Variants in LEMD3 observed in about 807,000 individuals in gnomAD.
LEMD3 encodes the protein inner nuclear membrane protein Man1.
LEMD3 carries 33 observed loss-of-function variants against 95.2 expected under a neutral mutation model. The ratio of observed to expected loss-of-function variants is 0.35; its 90% confidence interval spans 0.26 to 0.46. LEMD3 has a LOEUF of 0.46. Among genes scored for constraint, LEMD3 ranks in the 20% least tolerant of loss-of-function variants. The probability of loss-of-function intolerance (pLI) is 1.00; values close to 1 mark genes in which losing one functional copy is unlikely to be tolerated. For synonymous variants in LEMD3, 525 were observed against 474.6 expected, an observed-to-expected ratio of 1.11 and a Z score of -1.38; for missense variants, 1,210 against 1,192.8, an observed-to-expected ratio of 1.01 and a Z score of -0.21.
intron 1 of LEMD3, among the ~76,000 whole-genome samples, chr12:65,184,855 A>T (rs12425024): frequency 0.49 from 74,965 of 151,942 alleles, 20,151 homozygotes; most frequent in Middle Eastern, 0.67. Context: ...TAAAAACCTT[A>T]GCAACATGAC....
At chr12:65,195,788 C>CA (rs1341343559) in intron 1 of LEMD3, among the ~76,000 whole-genome samples, 2 of 152,132 alleles carry the variant, frequency 1.3e-5, no homozygotes, top group Non-Finnish European at 2.9e-5. Context: ...CCTAGTGATT[C>CA]AGTCCTTCTC....
At chr12:65,183,932 A>G (rs951108054) in intron 1 of LEMD3, among the ~76,000 whole-genome samples, 2 of 152,148 alleles carry the variant, frequency 1.3e-5, no homozygotes, top group Admixed American at 1.3e-4. Flanking sequence ...TGTAGAATGG[A>G]GAGATGGCTC....
chr12:65,221,091 G>C (rs1449260932), intron 4 of LEMD3, among the ~76,000 whole-genome samples: 1 of 151,798 alleles, frequency 6.6e-6, no homozygotes, highest in Non-Finnish European at 1.5e-5. Flanking sequence ...ATTGCCTTCG[G>C]TGGTATAGTA....
At chr12:65,192,090 AG>A (rs1366900613) in intron 1 of LEMD3, among the ~76,000 whole-genome samples, 1 of 150,980 alleles carries the variant, frequency 6.6e-6, no homozygotes, top group Non-Finnish European at 1.5e-5. Flanking sequence ...AAATATAGAA[AG>A]TTACACAGTT....
At chr12:65,234,964 A>G (rs1007325624) in intron 4 of LEMD3, among the ~76,000 whole-genome samples, 16 of 152,182 alleles carry the variant, frequency 1.1e-4, no homozygotes, top group Non-Finnish European at 2.2e-4. Context: ...CAAAGACTAG[A>G]TTATACTTGT....
At chr12:65,171,572 A>G (rs1189561254) in intron 1 of LEMD3, 2 of 192,218 alleles carry the variant, frequency 1.0e-5, no homozygotes, top group African/African-American at 2.4e-5. Flanking sequence ...TATTAACTGT[A>G]TGCATAAATT....
At chr12:65,240,644 C>CATA (rs1441577426) in intron 8 of LEMD3, 1 of 478,326 alleles carries the variant, frequency 2.1e-6, no homozygotes, top group Non-Finnish European at 3.7e-6. Context: ...AAGATAATTC[C>CATA]ATATCCTGAA....
At chr12:65,188,031 C>T (rs1288329955) in intron 1 of LEMD3, among the ~76,000 whole-genome samples, 1 of 152,012 alleles carries the variant, frequency 6.6e-6, no homozygotes, top group East Asian at 1.9e-4. Context: ...TGACTTGGTC[C>T]AGAAAACTGT....
At chr12:65,219,521 G>A (rs1870217809) in intron 4 of LEMD3, among the ~76,000 whole-genome samples, 2 of 152,192 alleles carry the variant, frequency 1.3e-5, no homozygotes, top group Non-Finnish European at 2.9e-5. Context: ...ACGTGGACAA[G>A]TCATGCCATA....
intron 1 of LEMD3, among the ~76,000 whole-genome samples, chr12:65,176,049 G>A (rs977393842): frequency 2.6e-5 from 4 of 151,792 alleles, no homozygotes; most frequent in African/African-American, 9.7e-5. Flanking sequence ...TCTGTCCCTC[G>A]CCACTGTTCT....
At chr12:65,226,689 G>C (rs1870457360) in intron 4 of LEMD3, among the ~76,000 whole-genome samples, 1 of 152,116 alleles carries the variant, frequency 6.6e-6, no homozygotes, top group Admixed American at 6.5e-5. Flanking sequence ...GTCAAATTCT[G>C]GTACTGCCAG....
At position 65,169,889 on chromosome 12, in the gene LEMD3, TCTC is replaced by T; in HGVS notation, c.296_298del (p.Ser99del). On this transcript the variant is annotated inframe_deletion, in exon 1 of 13. Transcript: ENST00000308330. Reference sequence around the variant, plus strand: ...GGGGTCCGGCCGGTCTCGGGCGACCTCTCCTACTTACGGACTCCTGGGGGCCTG... The same window carrying T: ...GGGGTCCGGCCGGTCTCGGGCGACCTCTACTTACGGACTCCTGGGGGCCTG... 1 of 1,449,416 alleles carries T rather than the reference TCTC, an allele frequency of 6.9e-7. No homozygotes were observed. The highest frequency in any genetic ancestry group is 9.1e-7 in the Non-Finnish European group (1 of 1,100,760). 89.8% of individuals were successfully genotyped at this position (1,449,416 alleles called of 1,614,324 possible).
rs367709331 is a variant in LEMD3, at chr12:65,197,833, A to C, written c.1523-13093A>C. 3.2e-3 allele frequency among the ~76,000 whole-genome samples: 480 copies of C among 152,130 alleles called. 3 individuals are homozygous for C. Among genetic ancestry groups the C allele is most frequent in the African/African-American group, 0.011 (453 of 41,516 alleles). ...TATTCCCATTCAGTGAATGGAGGGG[A>C]AACTACTACTATTTAAGTCTTACTC... is the stretch of plus-strand genomic sequence containing the variant. On this transcript the variant is annotated intron_variant, in intron 1 of 12. Transcript: ENST00000308330.
At chr12:65,229,711 C>A (rs1870565414) in intron 4 of LEMD3, among the ~76,000 whole-genome samples, 1 of 151,990 alleles carries the variant, frequency 6.6e-6, no homozygotes, top group South Asian at 2.1e-4. Flanking sequence ...GCTCATTTGC[C>A]CTTTGAGTTC....
At chr12:65,201,104 A>G (rs971337037) in intron 1 of LEMD3, among the ~76,000 whole-genome samples, 1 of 152,110 alleles carries the variant, frequency 6.6e-6, no homozygotes, top group Non-Finnish European at 1.5e-5. Context: ...AGATCAGTTG[A>G]CTGTATTTAT....
intron 1 of LEMD3, among the ~76,000 whole-genome samples, chr12:65,179,920 GATTTA>G (rs1370641435): frequency 3.3e-5 from 5 of 152,110 alleles, no homozygotes; most frequent in African/African-American, 1.2e-4. Flanking sequence ...TTCATATTTA[GATTTA>G]TTTTTAACAT....
intron 1 of LEMD3, among the ~76,000 whole-genome samples, chr12:65,184,990 T>C (rs1250065603): frequency 6.6e-6 from 1 of 152,120 alleles, no homozygotes; most frequent in African/African-American, 2.4e-5. Flanking sequence ...TTTTTTTCTT[T>C]TTGAAAGAGA....
chr12:65,191,798 G>A (rs567436430), intron 1 of LEMD3, among the ~76,000 whole-genome samples: 7 of 152,052 alleles, frequency 4.6e-5, no homozygotes, highest in African/African-American at 1.7e-4. Flanking sequence ...GGTGGTGCAT[G>A]CCTGTGGTCC....
chr12:65,236,350 T>A (rs1462341686), intron 4 of LEMD3, among the ~76,000 whole-genome samples: 1 of 152,160 alleles, frequency 6.6e-6, no homozygotes, highest in East Asian at 1.9e-4. Flanking sequence ...GACACCAGCC[T>A]GGCCAACATG....
Sources: gnomAD v4.1 joint callset for allele counts (sites outside exome capture counted in the v4.1 genomes callset) on GRCh38, gnomAD v4.1.1 for gene constraint, MANE v1.5 for transcripts, NCBI Gene and HGNC (gene_info 2026-07-23, HGNC 2026-07-21) for gene names.